SHOC1: variants seen among roughly 807,000 people sequenced by gnomAD.
SHOC1 encodes shortage in chiasmata 1.
A neutral mutation model predicts 179.2 loss-of-function variants in SHOC1; 136 were observed. The ratio of observed to expected loss-of-function variants is 0.76; its 90% CI spans 0.66 to 0.87. SHOC1 has a LOEUF of 0.87. Ranked by LOEUF, SHOC1 falls within the 40% of genes least tolerant of loss-of-function variation. SHOC1 has a pLI of 0.00. For missense variants in SHOC1, 1,538 were observed against 1,700.8 expected (o/e 0.90, Z 1.68); for synonymous variants, 489 against 586.6 (o/e 0.83, Z 2.41).
intron 18 of SHOC1, among the ~76,000 whole-genome samples, chr9:111,710,527 T>G (rs969158133): frequency 6.6e-6 from 1 of 152,166 alleles, no homozygotes; most frequent in Non-Finnish European, 1.5e-5. Context: ...ATCGAGTGCC[T>G]TCTATGTTGT....
chr9:111,712,470 A>G (rs1832596225), intron 18 of SHOC1, among the ~76,000 whole-genome samples: 1 of 152,198 alleles, frequency 6.6e-6, no homozygotes, highest in Non-Finnish European at 1.5e-5. Context: ...AGAGAAAATT[A>G]TCAGCTTTTA....
At chr9:111,740,729 G>A (rs1056797367) in intron 11 of SHOC1, among the ~76,000 whole-genome samples, 1 of 151,996 alleles carries the variant, frequency 6.6e-6, no homozygotes, top group African/African-American at 2.4e-5. Context: ...GCACCACCAT[G>A]CTCAGCTAAT....
Position 111,694,370 on chromosome 9 carries a change from A to G in SHOC1, c.3184-8T>C, listed in dbSNP as rs771713634. ...TCCTGGGGCAATTATAAGCTAAAAA[A>G]TATTTTTTATGTTAGATTATAGGAA... On this transcript the variant is annotated splice_region_variant and splice_polypyrimidine_tract_variant and intron_variant, in intron 24 of 27. Transcript: ENST00000682961. 1 of 1,592,686 alleles carries G rather than the reference A, an allele frequency of 6.3e-7. No homozygotes were observed.
chr9:111,712,930 T>C (rs919927468), intron 18 of SHOC1, among the ~76,000 whole-genome samples, 170 bp downstream of exon 18: 1 of 152,216 alleles, frequency 6.6e-6, no homozygotes, highest in African/African-American at 2.4e-5. Context: ...TGCAAACTTA[T>C]AGTCCAGATT....
chr9:111,744,437 A>T (rs548872097), intron 10 of SHOC1, among the ~76,000 whole-genome samples: 1 of 152,322 alleles, frequency 6.6e-6, no homozygotes, highest in African/African-American at 2.4e-5. Context: ...CTTAGCCAGA[A>T]GATAAAGATA....
rs1435474710 is a variant in SHOC1 at position 111,691,929 on chromosome 9, C to T, written c.4048G>A (p.Glu1350Lys). The change falls in exon 27 of 28, where the codon GAG becomes AAG. Residue 1350 changes from glutamate (E) to lysine (K), a missense_variant. Glu to Lys is a moderately conservative substitution (Grantham distance 56, BLOSUM62 1). Coordinates refer to ENST00000682961, the MANE Select transcript of SHOC1 (RefSeq NM_001378211.1). ...CAATGAAGAGGAGATTGAGTGCCCT[C>T]TAGTGAAAAGATAGGGTCCGATACA... is the stretch of plus-strand genomic sequence containing the variant. ...KDVSDPIFSLEGTQSPLHWNF... is the reference protein window; with the variant it reads ...KDVSDPIFSLKGTQSPLHWNF... The T allele has an allele frequency of 6.2e-7, 1 of 1,613,802 alleles. No individual in the cohort carries two copies. The highest frequency in any genetic ancestry group is 8.5e-7 in the Non-Finnish European group (1 of 1,179,928).
Position 111,788,737 on chromosome 9 carries a change from C to T in SHOC1, c.45+2637G>A, listed in dbSNP as rs139414261. Among the ~76,000 whole-genome samples, 44 of 152,238 alleles carry T rather than the reference C, an allele frequency of 2.9e-4. No individual in the cohort carries two copies. In the East Asian group the frequency reaches 8.3e-3, roughly 29 times the overall value. ...TATCTTTGCATTATTTCCTTTGTTA[C>T]AACCAGCAAATTCATTTCTAATTTT... On this transcript the variant is annotated intron_variant, in intron 2 of 27. Coordinates refer to ENST00000682961, the MANE Select transcript of SHOC1 (RefSeq NM_001378211.1).
At chr9:111,759,483 G>A (rs1029779154) in intron 5 of SHOC1, 29 of 1,248,496 alleles carry the variant, frequency 2.3e-5, no homozygotes, top group Non-Finnish European at 2.8e-5. Context: ...TTCTCCTCTC[G>A]GTCTCCACCC....
intron 5 of SHOC1, among the ~76,000 whole-genome samples, chr9:111,765,563 C>T (rs1835316747): frequency 6.6e-6 from 1 of 152,090 alleles, no homozygotes; most frequent in Non-Finnish European, 1.5e-5. Context: ...GCACTCCAGC[C>T]TGGGCGACAG....
At chr9:111,693,010 GAATGTAT>G (rs1187846373) in intron 26 of SHOC1, among the ~76,000 whole-genome samples, 2 of 152,136 alleles carry the variant, frequency 1.3e-5, no homozygotes, top group African/African-American at 2.4e-5. Context: ...AATAGCTTTA[GAATGTAT>G]AATATAGGCT....
chr9:111,719,859 A>G (rs1832957730), intron 15 of SHOC1, among the ~76,000 whole-genome samples: 1 of 152,186 alleles, frequency 6.6e-6, no homozygotes, highest in African/African-American at 2.4e-5. Context: ...TTTCATTTGT[A>G]AAAGAGAGTT....
At chr9:111,759,022 C>T in intron 5 of SHOC1, 174 bp from the exon 6 acceptor site, 1 of 1,069,818 alleles carries the variant, frequency 9.3e-7, no homozygotes, top group Non-Finnish European at 1.3e-6. Flanking sequence ...AGTTCTGGAA[C>T]AAAGGCAAAA....
chr9:111,794,529 A>G (rs1385925992), intron 1 of SHOC1, among the ~76,000 whole-genome samples: 1 of 152,158 alleles, frequency 6.6e-6, no homozygotes, highest in Non-Finnish European at 1.5e-5. Flanking sequence ...GGTTGCAGTG[A>G]ACCGAGATCG....
chr9:111,781,127 A>G lies in SHOC1; in HGVS notation c.170-110T>C, dbSNP rs1836023656. On this transcript the variant is annotated intron_variant, in intron 3 of 27. Coordinates refer to ENST00000682961, the MANE Select transcript of SHOC1 (RefSeq NM_001378211.1). ...ATGATTTTATCTTTATTTATTCACA[A>G]ATGTATTTTTTCAAAGTGATACCTG... The G allele has an allele frequency of 9.5e-6, 7 of 736,652 alleles. No homozygotes were observed. The Admixed American group carries it at 1.5e-4, about 16-fold the overall frequency. 45.6% of individuals were successfully genotyped at this position (736,652 alleles called of 1,614,324 possible).
chr9:111,705,111 G>T, intron 21 of SHOC1, 136 bp downstream of exon 21: 1 of 401,320 alleles, frequency 2.5e-6, no homozygotes. Flanking sequence ...TTCCAGGCTT[G>T]AATCACAGAC....
intron 16 of SHOC1, among the ~76,000 whole-genome samples, chr9:111,717,919 A>G (rs989025757): frequency 8.5e-5 from 13 of 152,212 alleles, no homozygotes; most frequent in Admixed American, 5.9e-4. Flanking sequence ...GATAATGATT[A>G]TACAATCAAA....
chr9:111,706,798 T>G (rs10125413), intron 19 of SHOC1, 52 bp from the exon 20 acceptor site: 1,033,999 of 1,294,264 alleles, frequency 0.8, 413,789 homozygotes, highest in East Asian at 0.93. Context: ...GTTATTATTT[T>G]GTTGAACTAT....
At chr9:111,726,483 A>C (rs1299860946) in intron 13 of SHOC1, among the ~76,000 whole-genome samples, 1 of 152,164 alleles carries the variant, frequency 6.6e-6, no homozygotes, top group Non-Finnish European at 1.5e-5. Flanking sequence ...GGCTGGTCTC[A>C]AACTCTTGGC....
chr9:111,738,122 C>A, intron 12 of SHOC1, 158 bp downstream of exon 12: 1 of 546,814 alleles, frequency 1.8e-6, no homozygotes, highest in Non-Finnish European at 3.0e-6. Flanking sequence ...GAAAATGGGA[C>A]CTAGAGAAAT....
Sources: allele counts gnomAD v4.1 joint callset (sites outside exome capture counted in the v4.1 genomes callset), GRCh38; gene constraint gnomAD v4.1.1; transcripts MANE v1.5; gene names NCBI Gene and HGNC (gene_info 2026-07-23, HGNC 2026-07-21).